Variants in IL34 observed in about 807,000 individuals in gnomAD.
The protein encoded by IL34 is interleukin 34, also known as interleukin-34.
A neutral mutation model predicts 25.3 loss-of-function variants in IL34; 17 were observed. The ratio of observed to expected loss-of-function variants is 0.67; its 90% confidence interval spans 0.46 to 1.01. IL34 has a LOEUF of 1.01. Among genes scored for constraint, IL34 ranks in the 50% least tolerant of loss-of-function variants. The pLI is 0.00. For synonymous variants in IL34, 174 were observed against 140.9 expected (o/e 1.23, Z -1.66); for missense variants, 368 against 312.9 (o/e 1.18, Z -1.33).
intron 1 of IL34, among the ~76,000 whole-genome samples, chr16:70,580,648 G>A (rs898278933): frequency 1.3e-5 from 2 of 151,840 alleles, no homozygotes; most frequent in Non-Finnish European, 2.9e-5. Context: ...GGGTGTGGTG[G>A]TACATGCCTG....
At chr16:70,606,228 C>T (rs774997593) in intron 1 of IL34, among the ~76,000 whole-genome samples, 2 of 151,800 alleles carry the variant, frequency 1.3e-5, no homozygotes. Context: ...GAAACCCCGT[C>T]TCTACTAAAA....
intron 1 of IL34, among the ~76,000 whole-genome samples, chr16:70,611,090 C>T (rs910281101): frequency 1.6e-4 from 25 of 152,264 alleles, no homozygotes; most frequent in East Asian, 5.8e-4. Flanking sequence ...GCAGTCCTCC[C>T]GCCTCAGCCT....
intron 4 of IL34, among the ~76,000 whole-genome samples, chr16:70,658,548 C>G (rs1973089): frequency 0.27 from 41,598 of 151,484 alleles, 6,150 homozygotes; most frequent in South Asian, 0.45. Context: ...GTGGGGCAAT[C>G]TTGGCTCACT....
At chr16:70,619,528 T>G (rs555602559) in intron 1 of IL34, among the ~76,000 whole-genome samples, 79 of 151,312 alleles carry the variant, frequency 5.2e-4, no homozygotes, top group Middle Eastern at 3.5e-3. Context: ...TTTTAAGAGG[T>G]TTAGAAGCCT....
At chr16:70,623,046 G>C (rs2051314515) in intron 1 of IL34, among the ~76,000 whole-genome samples, 1 of 152,078 alleles carries the variant, frequency 6.6e-6, no homozygotes, top group Non-Finnish European at 1.5e-5. Flanking sequence ...GGATTAATCG[G>C]ACACGAGCAG....
At chr16:70,590,277 C>G (rs1246171435) in intron 1 of IL34, among the ~76,000 whole-genome samples, 1 of 152,162 alleles carries the variant, frequency 6.6e-6, no homozygotes, top group Non-Finnish European at 1.5e-5. Flanking sequence ...AAAAATCACT[C>G]CCACTAAGGG....
upstream of IL34, among the ~76,000 whole-genome samples, chr16:70,644,869 G>A (rs906428981): frequency 2.1e-5 from 3 of 142,902 alleles, no homozygotes; most frequent in Admixed American, 7.0e-5. Flanking sequence ...AGAGGAGGAA[G>A]TAGGAAGAGG....
rs1025823694 is a variant in IL34 at position 70,646,855 on chromosome 16, G to C, written c.-93G>C. ...CTTCCCTGACTGAGTGACCACCTCT[G>C]CTGCCCCGAGGCCATGTAGGCCGTG... On this transcript the variant is annotated 5_prime_UTR_variant, in exon 1 of 6. Coordinates refer to ENST00000288098, the MANE Select transcript of IL34 (RefSeq NM_001393494.1). 4 of 1,264,984 alleles carry C rather than the reference G, an allele frequency of 3.2e-6. No homozygotes were observed. In the East Asian group the frequency reaches 1.2e-4, roughly 39 times the overall value. The allele number at this position is 1,264,984 out of a possible 1,614,324, so 78.4% of individuals were successfully genotyped here. A position where few individuals can be genotyped will look rare whatever the true frequency, so the allele number is the denominator to read the frequency against.
chr16:70,612,788 G>GT (rs2051110165), intron 1 of IL34, among the ~76,000 whole-genome samples: 2 of 152,230 alleles, frequency 1.3e-5, no homozygotes, highest in South Asian at 4.1e-4. Flanking sequence ...TAGAACACAT[G>GT]TTTTTTGTTT....
chr16:70,586,309 C>T (rs1242967175), intron 1 of IL34, among the ~76,000 whole-genome samples: 1 of 152,178 alleles, frequency 6.6e-6, no homozygotes, highest in Non-Finnish European at 1.5e-5. Flanking sequence ...CCTGGTGGCT[C>T]ACATCTGTAA....
chr16:70,620,355 G>A (rs1179394691), intron 1 of IL34, among the ~76,000 whole-genome samples: 10 of 152,102 alleles, frequency 6.6e-5, no homozygotes, highest in Admixed American at 6.5e-4. Flanking sequence ...TTTGGCTCCA[G>A]CCACCTTTTT....
chr16:70,652,502 C>T (rs1194908016), intron 1 of IL34, among the ~76,000 whole-genome samples: 2 of 152,192 alleles, frequency 1.3e-5, no homozygotes, highest in East Asian at 3.9e-4. Context: ...ATTTGGTAGT[C>T]ATGCTATGAA....
At chr16:70,587,964 A>G (rs545896008) in intron 1 of IL34, among the ~76,000 whole-genome samples, 2 of 151,798 alleles carry the variant, frequency 1.3e-5, no homozygotes, top group Non-Finnish European at 2.9e-5. Flanking sequence ...ACTTGAACCC[A>G]GGAGGCGGAG....
Position 70,660,285 on chromosome 16 carries a change from C to T in IL34, c.*98C>T, listed in dbSNP as rs770090002. On this transcript the variant is annotated 3_prime_UTR_variant, in exon 6 of 6. Coordinates refer to ENST00000288098, the MANE Select transcript of IL34 (RefSeq NM_001393494.1). ...TCAAGGGGTGGTGGTGGGAGCCCCC[C>T]TTGGGAGAGGACCCCTGGGAAGGGT... 15 of 1,156,552 alleles carry T rather than the reference C, an allele frequency of 1.3e-5. No homozygotes were observed. Among genetic ancestry groups the T allele is most frequent in the Non-Finnish European group, 1.7e-5 (14 of 841,296 alleles). The allele number at this position is 1,156,552 out of a possible 1,614,324, so 71.6% of individuals were successfully genotyped here.
intron 1 of IL34, among the ~76,000 whole-genome samples, chr16:70,594,689 C>T (rs1000490904): frequency 1.3e-5 from 2 of 152,130 alleles, no homozygotes; most frequent in African/African-American, 2.4e-5. Flanking sequence ...GGAGGACTCT[C>T]TTCCTCTTCA....
At chr16:70,639,152 T>G (rs558190652) in intron 1 of IL34, among the ~76,000 whole-genome samples, 60 of 152,338 alleles carry the variant, frequency 3.9e-4, no homozygotes, top group African/African-American at 1.4e-3. Flanking sequence ...TTTCCAGATG[T>G]GGTGACATTG....
chr16:70,641,150 T>C (rs1370982567), intron 1 of IL34, among the ~76,000 whole-genome samples: 2 of 152,084 alleles, frequency 1.3e-5, no homozygotes, highest in Non-Finnish European at 2.9e-5. Flanking sequence ...GGTGCACGCC[T>C]GTAATCATAG....
At chr16:70,657,303 G>A (rs1597783076) in intron 4 of IL34, 182 bp downstream of exon 4, 1 of 566,600 alleles carries the variant, frequency 1.8e-6, no homozygotes, top group South Asian at 2.2e-5. Flanking sequence ...GAAGGAAGAG[G>A]CAGCCGTGGT....
In IL34 at chr16:70,660,210, A is replaced by G. The variant is rs866381841; in HGVS notation, c.*23A>G. 6.5e-7 allele frequency: 1 copy of G among 1,539,748 alleles called. No individual in the cohort carries two copies. Reference sequence around the variant, plus strand: ...TGAGCACCCTGGATGGTGACTGCGGATAGGGGCAGCCAGACCAGCTCCCAC... The same window carrying G: ...TGAGCACCCTGGATGGTGACTGCGGGTAGGGGCAGCCAGACCAGCTCCCAC... On this transcript the variant is annotated 3_prime_UTR_variant, in exon 6 of 6. Coordinates refer to ENST00000288098, the MANE Select transcript of IL34 (RefSeq NM_001393494.1).
Sources: allele counts gnomAD v4.1 joint callset (sites outside exome capture counted in the v4.1 genomes callset), GRCh38; gene constraint gnomAD v4.1.1; transcripts MANE v1.5; gene names NCBI Gene and HGNC (gene_info 2026-07-23, HGNC 2026-07-21).